Variants in RBFOX1 observed in about 807,000 individuals in gnomAD.
RBFOX1 encodes RNA binding fox-1 homolog 1, also known as RNA binding protein fox-1 homolog 1.
In RBFOX1, 8 loss-of-function variants were observed where a neutral mutation model predicts 57.7. That is an observed-to-expected ratio of 0.14 (90% CI 0.08 to 0.25). The LOEUF is 0.25. Among genes scored for constraint, RBFOX1 ranks in the 10% least tolerant of loss-of-function variants. RBFOX1 has a pLI of 1.00. For missense variants in RBFOX1, 611 were observed against 548.5 expected, an observed-to-expected ratio of 1.11 and a Z score of -1.14; for synonymous variants, 326 against 222.4, an observed-to-expected ratio of 1.47 and a Z score of -4.15.
At chr16:6,957,116 T>TTTTTATTTATTTATTTA (rs574831673) in intron 3 of RBFOX1, among the ~76,000 whole-genome samples, 3 of 139,244 alleles carry the variant, frequency 2.2e-5, no homozygotes, top group South Asian at 2.3e-4. Context: ...TTATTTTTAT[T>TTTTTATTTATTTATTTA]TTTATTTATT....
At chr16:6,640,710 T>C (rs1246532467) in intron 2 of RBFOX1, among the ~76,000 whole-genome samples, 1 of 152,176 alleles carries the variant, frequency 6.6e-6, no homozygotes, top group Non-Finnish European at 1.5e-5. Flanking sequence ...GGGCAAATAC[T>C]TGTGACCCTC....
chr16:6,841,608 C>G (rs2093467133), intron 3 of RBFOX1, among the ~76,000 whole-genome samples: 1 of 152,112 alleles, frequency 6.6e-6, no homozygotes, highest in Non-Finnish European at 1.5e-5. Flanking sequence ...GCTAATTTTA[C>G]TCTCAAAACT....
At chr16:5,317,833 C>T (rs890816414) in intron 1 of RBFOX1, among the ~76,000 whole-genome samples, 14 of 152,128 alleles carry the variant, frequency 9.2e-5, no homozygotes, top group Non-Finnish European at 7.4e-5. Context: ...TGGCGTGAAG[C>T]ACCTTCATAC....
rs545832972 is a variant in RBFOX1, at chr16:7,054,943, T to G, written c.27+2845T>G. Among the ~76,000 whole-genome samples the G allele has an allele frequency of 7.2e-5, 11 of 152,330 alleles. No individual in the cohort carries two copies. In the South Asian group the frequency reaches 1.7e-3, roughly 23 times the overall value. On this transcript the variant is annotated intron_variant, in intron 4 of 15. Transcript: ENST00000550418. ...AAAGATAAAGCTGCGCTTTCTGTTT[T>G]GTGCCCCATCGAGGCTGTGTAGGAA... is the stretch of plus-strand genomic sequence containing the variant.
At chr16:7,443,695 A>T (rs1387972733) in intron 4 of RBFOX1, among the ~76,000 whole-genome samples, 1 of 152,218 alleles carries the variant, frequency 6.6e-6, no homozygotes, top group African/African-American at 2.4e-5. Context: ...TACTTTTCAC[A>T]AACTTGAAAT....
intron 3 of RBFOX1, among the ~76,000 whole-genome samples, chr16:6,718,127 C>T (rs566955204): frequency 2.6e-5 from 4 of 152,170 alleles, no homozygotes; most frequent in African/African-American, 9.7e-5. Flanking sequence ...TTACAGAAGA[C>T]CTGATCACTG....
intron 3 of RBFOX1, among the ~76,000 whole-genome samples, chr16:6,997,068 A>T (rs2092318610): frequency 6.6e-6 from 1 of 152,172 alleles, no homozygotes; most frequent in South Asian, 2.1e-4. Context: ...GACAGATGAA[A>T]AATAATAAAA....
At chr16:5,935,521 G>C (rs371038795) in intron 4 of RBFOX1, among the ~76,000 whole-genome samples, 3 of 152,308 alleles carry the variant, frequency 2.0e-5, no homozygotes, top group South Asian at 4.1e-4. Context: ...GATTAGGGCC[G>C]GTGGACAGTG....
At chr16:7,192,460 C>G (rs562460720) in intron 4 of RBFOX1, among the ~76,000 whole-genome samples, 1 of 152,096 alleles carries the variant, frequency 6.6e-6, no homozygotes, top group Admixed American at 6.5e-5. Flanking sequence ...GATTATAATA[C>G]GTGGAATGTA....
intron 4 of RBFOX1, among the ~76,000 whole-genome samples, chr16:5,936,249 G>C (rs553615995): frequency 5.3e-5 from 8 of 152,070 alleles, no homozygotes; most frequent in Non-Finnish European, 7.4e-5. Flanking sequence ...TCAGCATCCT[G>C]AGTAGCTGGG....
At chr16:6,467,065 T>A (rs1220993311) in intron 2 of RBFOX1, among the ~76,000 whole-genome samples, 1 of 151,094 alleles carries the variant, frequency 6.6e-6, no homozygotes, top group Non-Finnish European at 1.5e-5. Context: ...TATGGGATTT[T>A]ATTTAATATA....
rs117979673 is a variant in RBFOX1, at chr16:7,157,589, A to G, written c.27+105491A>G. On this transcript the variant is annotated intron_variant, in intron 4 of 15. Coordinates refer to ENST00000550418, the MANE Select transcript of RBFOX1 (RefSeq NM_018723.4). ...TCCAGGCACGTGAAAATATCCGAAT[A>G]GGGTCTGGGAGCTCTGAATTTCAAA... 3.0e-4 allele frequency among the ~76,000 whole-genome samples: 45 copies of G among 152,244 alleles called. No homozygotes were observed. The East Asian group carries it at 8.3e-3, about 28-fold the overall frequency.
intron 5 of RBFOX1, among the ~76,000 whole-genome samples, chr16:7,539,764 G>T (rs2082424261): frequency 6.6e-6 from 1 of 152,172 alleles, no homozygotes; most frequent in African/African-American, 2.4e-5. Flanking sequence ...GCCCTCCCCA[G>T]TGAACTTCAG....
rs539771944 is a variant in RBFOX1, at chr16:5,568,297, TC to T, written c.259-30602del. On this transcript the variant is annotated intron_variant, in intron 2 of 2. Transcript: ENST00000585867. ...CCTTGCCTTTGCCCAAGCTGTGTAT[TC>T]CCTGTGATCTCTTGCTTCACTTATA... Among the ~76,000 whole-genome samples, 814 of 152,322 alleles carry T rather than the reference TC, an allele frequency of 5.3e-3. 7 individuals are homozygous for T. Among genetic ancestry groups the T allele is most frequent in the Non-Finnish European group, 8.6e-3 (588 of 68,030 alleles).
intron 2 of RBFOX1, among the ~76,000 whole-genome samples, chr16:6,384,901 C>A (rs1459954486): frequency 1.3e-5 from 2 of 152,148 alleles, no homozygotes; most frequent in Non-Finnish European, 2.9e-5. Flanking sequence ...TCTGCAGGGG[C>A]TGGTACCAGG....
At position 6,667,415 on chromosome 16, in the gene RBFOX1, C is replaced by T. The variant is rs559512666; in HGVS notation, c.-16+12765C>T. 3.3e-5 allele frequency among the ~76,000 whole-genome samples: 5 copies of T among 152,252 alleles called. No homozygotes were observed. In the East Asian group the frequency reaches 9.7e-4, roughly 29 times the overall value. Reference sequence around the variant, plus strand: ...GCTTCAGCTTAGGATTCTAAAAGGCCTGGCTTTGAACCCCAGCTTAGTGGC... The same window carrying T: ...GCTTCAGCTTAGGATTCTAAAAGGCTTGGCTTTGAACCCCAGCTTAGTGGC... On this transcript the variant is annotated intron_variant, in intron 3 of 15. Coordinates refer to ENST00000550418, the MANE Select transcript of RBFOX1 (RefSeq NM_018723.4).
At chr16:5,621,644 A>G (rs760733526) in intron 3 of RBFOX1, among the ~76,000 whole-genome samples, 10 of 152,086 alleles carry the variant, frequency 6.6e-5, no homozygotes, top group Non-Finnish European at 4.4e-5. Flanking sequence ...ACCCCTATCA[A>G]CTCACTGTGT....
At chr16:5,467,776 A>G (rs1261160981) in intron 2 of RBFOX1, among the ~76,000 whole-genome samples, 4 of 152,224 alleles carry the variant, frequency 2.6e-5, no homozygotes, top group African/African-American at 4.8e-5. Flanking sequence ...ATGAAGCCAC[A>G]TGGCCCTTGG....
intron 3 of RBFOX1, among the ~76,000 whole-genome samples, chr16:6,678,134 T>C (rs979001936): frequency 4.6e-5 from 7 of 152,222 alleles, no homozygotes; most frequent in Admixed American, 3.3e-4. Context: ...TTTTGTTGTG[T>C]TGTGTTTGAG....
Sources: gnomAD v4.1 joint callset for allele counts (sites outside exome capture counted in the v4.1 genomes callset) on GRCh38, gnomAD v4.1.1 for gene constraint, MANE v1.5 for transcripts, NCBI Gene and HGNC (gene_info 2026-07-23, HGNC 2026-07-21) for gene names.